The following LRRC4C variants were observed in gnomAD, a reference collection of about 807,000 sequenced individuals.
LRRC4C encodes leucine-rich repeat-containing protein 4C.
In LRRC4C, 5 loss-of-function variants were observed where a neutral mutation model predicts 33.6. That is an observed-to-expected ratio of 0.15 (90% confidence interval 0.08 to 0.31). The LOEUF (loss-of-function observed/expected upper bound fraction) is 0.31. Among genes scored for constraint, LRRC4C ranks in the 10% least tolerant of loss-of-function variants. The pLI is 1.00. For synonymous variants in LRRC4C, 329 were observed against 302.0 expected, an observed-to-expected ratio of 1.09 and a Z score of -0.93; for missense variants, 560 against 796.7, an observed-to-expected ratio of 0.70 and a Z score of 3.58.
chr11:40,730,911 T>A (rs569208499), intron 2 of LRRC4C, among the ~76,000 whole-genome samples: 1 of 152,190 alleles, frequency 6.6e-6, no homozygotes, highest in Non-Finnish European at 1.5e-5. Flanking sequence ...TGAAATGTGA[T>A]CCCCAGTGTT....
chr11:40,387,212 C>A (rs1435631101), intron 3 of LRRC4C, among the ~76,000 whole-genome samples: 1 of 151,972 alleles, frequency 6.6e-6, no homozygotes, highest in Non-Finnish European at 1.5e-5. Flanking sequence ...GTATATAATG[C>A]ATTTAGAATA....
intron 3 of LRRC4C, among the ~76,000 whole-genome samples, chr11:40,470,634 C>G (rs1952885970): frequency 6.6e-6 from 1 of 152,066 alleles, no homozygotes; most frequent in African/African-American, 2.4e-5. Context: ...AGCTAAGAAC[C>G]TTGATATAAG....
rs149854044 is a variant in LRRC4C at position 40,555,999 on chromosome 11, A to G, written c.-270+92143T>C. Among the ~76,000 whole-genome samples the G allele has an allele frequency of 9.9e-4, 151 of 152,308 alleles. 1 individual carries two copies. The highest frequency in any genetic ancestry group is 3.5e-3 in the African/African-American group (147 of 41,566). ...ATAATAAAATTCTCATTTTGACCCA[A>G]TAGAAAAAATGAAACTATAGCCTCT... is the stretch of plus-strand genomic sequence containing the variant. On this transcript the variant is annotated intron_variant, in intron 3 of 6. Transcript: ENST00000528697.
chr11:40,573,587 T>C (rs958093501), intron 3 of LRRC4C, among the ~76,000 whole-genome samples: 11 of 152,148 alleles, frequency 7.2e-5, no homozygotes, highest in Admixed American at 2.0e-4. Context: ...AAATTCAATA[T>C]CCCTCTTCTG....
intron 2 of LRRC4C, among the ~76,000 whole-genome samples, chr11:40,882,940 A>C (rs1955256267): frequency 6.6e-6 from 1 of 152,086 alleles, no homozygotes; most frequent in African/African-American, 2.4e-5. Flanking sequence ...ATCAACTAAA[A>C]TTTGCTTCAA....
intron 1 of LRRC4C, among the ~76,000 whole-genome samples, chr11:41,040,861 G>T (rs990310170): frequency 2.2e-4 from 33 of 152,262 alleles, no homozygotes; most frequent in South Asian, 1.0e-3. Context: ...TCTCTAAGAA[G>T]CATGAGTGTC....
chr11:41,059,032 C>A (rs374234267), intron 1 of LRRC4C, among the ~76,000 whole-genome samples: 3 of 151,878 alleles, frequency 2.0e-5, no homozygotes, highest in Non-Finnish European at 2.9e-5. Context: ...AACTAGGGAA[C>A]AATAGACACC....
chr11:41,057,774 T>A (rs1285723483), intron 1 of LRRC4C, among the ~76,000 whole-genome samples: 1 of 152,246 alleles, frequency 6.6e-6, no homozygotes, highest in South Asian at 2.1e-4. Context: ...TCCTCTCTGC[T>A]GAGTGCTGCA....
intron 3 of LRRC4C, among the ~76,000 whole-genome samples, chr11:40,600,818 G>A (rs1465680683): frequency 6.6e-6 from 1 of 152,100 alleles, no homozygotes; most frequent in Non-Finnish European, 1.5e-5. Flanking sequence ...TCAATGCATG[G>A]CACTTTTATG....
chr11:40,876,455 C>A (rs1954897690), intron 2 of LRRC4C, among the ~76,000 whole-genome samples: 1 of 152,000 alleles, frequency 6.6e-6, no homozygotes, highest in Non-Finnish European at 1.5e-5. Context: ...GCTTCGAATG[C>A]AGCCATGTTA....
chr11:40,472,928 G>T (rs1953017004), intron 3 of LRRC4C, among the ~76,000 whole-genome samples: 1 of 152,092 alleles, frequency 6.6e-6, no homozygotes, highest in African/African-American at 2.4e-5. Flanking sequence ...TCCCTGAATA[G>T]AACAATAACA....
At chr11:40,794,101 T>C (rs957184129) in intron 2 of LRRC4C, among the ~76,000 whole-genome samples, 5 of 152,100 alleles carry the variant, frequency 3.3e-5, no homozygotes, top group African/African-American at 1.2e-4. Context: ...TTTCTAGATA[T>C]GCATCCTGTC....
At chr11:40,203,235 G>T (rs1862899243) in intron 5 of LRRC4C, among the ~76,000 whole-genome samples, 1 of 152,046 alleles carries the variant, frequency 6.6e-6, no homozygotes. Context: ...ATATGGATAG[G>T]CCGTGAGTTT....
At position 40,514,191 on chromosome 11, in the gene LRRC4C, A is replaced by G. The variant is rs112420518; in HGVS notation, c.-270+133951T>C. The stretch of plus-strand genomic sequence containing the variant: ...TGGTTGGGTAAAATTGCATACGTTC[A>G]TGAACCTCTTCTAACTTCAATACTT... On this transcript the variant is annotated intron_variant, in intron 3 of 6. Coordinates refer to ENST00000528697, the MANE Select transcript of LRRC4C (RefSeq NM_001258419.2). 6.7e-3 allele frequency among the ~76,000 whole-genome samples: 1,019 copies of G among 152,330 alleles called. 17 individuals carry two copies. Among genetic ancestry groups the G allele is most frequent in the African/African-American group, 0.024 (977 of 41,568 alleles).
intron 3 of LRRC4C, among the ~76,000 whole-genome samples, chr11:40,382,684 A>ATATT (rs1491238163): frequency 3.1e-5 from 2 of 65,546 alleles, no homozygotes; most frequent in African/African-American, 1.3e-4. Flanking sequence ...ACTTGTACTC[A>ATATT]TTTTTTTTTT....
chr11:40,843,336 G>A (rs1327961247), intron 2 of LRRC4C, among the ~76,000 whole-genome samples: 1 of 152,082 alleles, frequency 6.6e-6, no homozygotes, highest in Non-Finnish European at 1.5e-5. Context: ...ACTCCTCGCA[G>A]GCATCTGAAA....
At chr11:40,888,162 A>C (rs1033722547) in intron 2 of LRRC4C, among the ~76,000 whole-genome samples, 7 of 151,928 alleles carry the variant, frequency 4.6e-5, no homozygotes, top group Admixed American at 2.6e-4. Context: ...GTTCTGAAAC[A>C]TTGTAAGTAC....
intron 3 of LRRC4C, among the ~76,000 whole-genome samples, chr11:40,540,099 T>C (rs1022792989): frequency 2.0e-5 from 3 of 152,182 alleles, no homozygotes; most frequent in Non-Finnish European, 4.4e-5. Flanking sequence ...TTGGGACTCA[T>C]TGAGATTTTG....
In LRRC4C at chr11:40,246,507, C is replaced by T. The variant is rs544508624; in HGVS notation, c.-175-4909G>A. 3.7e-3 allele frequency among the ~76,000 whole-genome samples: 559 copies of T among 152,248 alleles called. 3 individuals carry two copies. The highest frequency in any genetic ancestry group is 4.9e-3 in the Non-Finnish European group (330 of 68,012). On this transcript the variant is annotated intron_variant, in intron 4 of 6. Transcript: ENST00000528697. The stretch of plus-strand genomic sequence containing the variant: ...TGACATACATGATAGATTCATTCTT[C>T]TAACTTAACTGTGATGAAATTCATC...
Sources: allele counts gnomAD v4.1 joint callset (sites outside exome capture counted in the v4.1 genomes callset), GRCh38; gene constraint gnomAD v4.1.1; transcripts MANE v1.5; gene names NCBI Gene and HGNC (gene_info 2026-07-23, HGNC 2026-07-21).